The following HECTD4 variants were observed in gnomAD, a reference collection of about 807,000 sequenced individuals.
HECTD4 encodes the protein HECT domain E3 ubiquitin protein ligase 4, also known as probable E3 ubiquitin-protein ligase HECTD4.
In HECTD4, 114 loss-of-function variants were observed where a neutral mutation model predicts 471.5. The observed-to-expected ratio is 0.24, with a 90% CI of 0.21 to 0.28. The LOEUF (loss-of-function observed/expected upper bound fraction) is 0.28. Among genes scored for constraint, HECTD4 ranks in the 10% least tolerant of loss-of-function variants. The pLI, the probability that HECTD4 is intolerant of heterozygous loss-of-function variation, is 1.00. For missense variants in HECTD4, 3,866 were observed against 5,651.5 expected, an observed-to-expected ratio of 0.68 and a Z score of 10.13; for synonymous variants, 2,012 against 2,256.0, an observed-to-expected ratio of 0.89 and a Z score of 3.07.
chr12:112,371,500 A>C (rs1192220231), intron 1 of HECTD4, among the ~76,000 whole-genome samples: 1 of 151,922 alleles, frequency 6.6e-6, no homozygotes, highest in Non-Finnish European at 1.5e-5. Flanking sequence ...GCTTGAACCC[A>C]AGAGGCGGAG....
chr12:112,208,034 GA>G (rs752769426), intron 51 of HECTD4, 34 bp from the exon 52 acceptor site: 52 of 1,603,978 alleles, frequency 3.2e-5, no homozygotes, highest in Non-Finnish European at 4.4e-5. Context: ...AACAGAGAAG[GA>G]ATATCTGGTG....
chr12:112,307,788 G>A (rs576892917), intron 6 of HECTD4, among the ~76,000 whole-genome samples: 2 of 152,150 alleles, frequency 1.3e-5, no homozygotes, highest in Non-Finnish European at 2.9e-5. Flanking sequence ...CTCCACAGAC[G>A]CCAACTCTAA....
chr12:112,169,058 A>G lies in HECTD4; in HGVS notation c.12208+445T>C, dbSNP rs1010597701. Among the ~76,000 whole-genome samples the G allele has an allele frequency of 3.9e-5, 6 of 152,330 alleles. No homozygotes were observed. The South Asian group carries it at 1.2e-3, about 32-fold the overall frequency. On this transcript the variant is annotated intron_variant, in intron 70 of 75. Coordinates refer to ENST00000682272, the MANE Select transcript of HECTD4 (RefSeq NM_001388303.1). Reference sequence around the variant, plus strand: ...GCTTTCTTCTCCATCTGCAGTGGACACGTTTCCTGAATGTCTGGGGCTAAG... The same window carrying G: ...GCTTTCTTCTCCATCTGCAGTGGACGCGTTTCCTGAATGTCTGGGGCTAAG...
intron 15 of HECTD4, among the ~76,000 whole-genome samples, chr12:112,265,576 A>C (rs1444527015): frequency 1.3e-5 from 2 of 152,304 alleles, no homozygotes; most frequent in Admixed American, 6.5e-5. Flanking sequence ...AGCCTTTCTC[A>C]TAAACCAGCA....
intron 1 of HECTD4, among the ~76,000 whole-genome samples, chr12:112,367,758 T>C (rs1167427647): frequency 2.8e-5 from 4 of 140,574 alleles, no homozygotes; most frequent in Non-Finnish European, 1.5e-5. Flanking sequence ...GAGGCAGAGG[T>C]TGCAGTGAGC....
chr12:112,332,712 C>T (rs942036029), intron 1 of HECTD4, among the ~76,000 whole-genome samples: 8 of 151,694 alleles, frequency 5.3e-5, no homozygotes, highest in East Asian at 1.9e-4. Flanking sequence ...ACATAATTCA[C>T]GTACCATAAA....
chr12:112,364,388 C>A, intron 1 of HECTD4, among the ~76,000 whole-genome samples: 1 of 148,664 alleles, frequency 6.7e-6, no homozygotes, highest in African/African-American at 2.5e-5. Flanking sequence ...GCCTGGGTGA[C>A]AGAGCAAGAC....
At chr12:112,376,717 G>A (rs574052054) in intron 1 of HECTD4, among the ~76,000 whole-genome samples, 4 of 152,198 alleles carry the variant, frequency 2.6e-5, no homozygotes, top group South Asian at 4.2e-4. Context: ...TCTTGCTGTC[G>A]TCTCTGTATG....
At chr12:112,175,956 C>T in intron 65 of HECTD4, 97 bp from the exon 66 acceptor site, 3 of 1,449,490 alleles carry the variant, frequency 2.1e-6, no homozygotes, top group Non-Finnish European at 1.9e-6. Flanking sequence ...TCCCCTACGG[C>T]CCAACCCATC....
chr12:112,175,908 C>T (rs755032810), intron 65 of HECTD4, 49 bp from the exon 66 acceptor site: 43 of 1,603,282 alleles, frequency 2.7e-5, no homozygotes, highest in Admixed American at 3.4e-5. Flanking sequence ...CTGCGCACAT[C>T]GCGCGCCTCC....
intron 7 of HECTD4, among the ~76,000 whole-genome samples, chr12:112,299,943 T>G (rs555469687): frequency 6.6e-6 from 1 of 152,182 alleles, no homozygotes; most frequent in South Asian, 2.1e-4. Flanking sequence ...TCACAGTTGA[T>G]TGACACTTTG....
At chr12:112,200,821 CTGTT>C (rs764755088) in intron 54 of HECTD4, 23 bp from the exon 55 acceptor site, 36 of 1,600,690 alleles carry the variant, frequency 2.2e-5, no homozygotes, top group Admixed American at 8.4e-5. Flanking sequence ...AAGAAAATGT[CTGTT>C]TGTGCTGTTT....
chr12:112,361,005 AG>A (rs1255873870), intron 1 of HECTD4, among the ~76,000 whole-genome samples: 104 of 152,058 alleles, frequency 6.8e-4, no homozygotes, highest in Non-Finnish European at 1.1e-3. Flanking sequence ...AAAAAAGGTA[AG>A]ATCAAAACAG....
At position 112,246,943 on chromosome 12, in the gene HECTD4, C is replaced by G; in HGVS notation, c.4471G>C (p.Gly1491Arg). 2.5e-6 allele frequency: 4 copies of G among 1,612,110 alleles called. No homozygotes were observed. Among genetic ancestry groups the G allele is most frequent in the Non-Finnish European group, 3.4e-6 (4 of 1,179,824 alleles). ...GTCCCAGAGATGCTTCTCGTGAGGC[C>G]CGACTGGGCTGCGATGGTGACATGC... is the stretch of plus-strand genomic sequence containing the variant. ...LLHVTIAAQS[G>R]LTRSISGTPA... The change falls in exon 29 of 76, where the codon GGC becomes CGC. Residue 1491 changes from glycine (G) to arginine (R), a missense_variant. Gly to Arg is a moderately radical substitution (Grantham distance 125). Coordinates refer to ENST00000682272, the MANE Select transcript of HECTD4 (RefSeq NM_001388303.1).
At chr12:112,220,486 G>A (rs1391475460) in intron 44 of HECTD4, among the ~76,000 whole-genome samples, 2 of 152,040 alleles carry the variant, frequency 1.3e-5, no homozygotes, top group African/African-American at 4.8e-5. Flanking sequence ...AAGGCTTAAT[G>A]AAAACATCAT....
At chr12:112,290,342 A>G (rs1216526024) in intron 7 of HECTD4, among the ~76,000 whole-genome samples, 1 of 151,598 alleles carries the variant, frequency 6.6e-6, no homozygotes, top group Non-Finnish European at 1.5e-5. Context: ...CAATCAATCA[A>G]TCAATCATAG....
chr12:112,184,587 G>A lies in HECTD4; in HGVS notation c.10379C>T (p.Thr3460Ile), dbSNP rs1481555416. ...GCTGTCTGTGCCGGGGAAGGCCAGTGTCTTCTCGGGCTCAACTTTCCCGTC... is the reference window on the plus strand; with the variant it reads ...GCTGTCTGTGCCGGGGAAGGCCAGTATCTTCTCGGGCTCAACTTTCCCGTC... The part of the protein sequence containing the change: ...GGDGKVEPEK[T>I]LAFPGTDSME... Residue 3460 changes from threonine to isoleucine, a missense_variant, in exon 61 of 76, where the codon ACA becomes ATA. By Grantham distance (89) the Thr-to-Ile change is moderately conservative. Coordinates refer to ENST00000682272, the MANE Select transcript of HECTD4 (RefSeq NM_001388303.1). The surrounding 1 kb of genome is among the most constrained non-coding windows in gnomAD (Gnocchi z 9.1). 1.2e-6 allele frequency: 2 copies of A among 1,613,868 alleles called. No homozygotes were observed. The highest frequency in any genetic ancestry group is 1.7e-5 in the Admixed American group (1 of 60,024).
At chr12:112,262,460 G>A (rs1182994179) in intron 17 of HECTD4, among the ~76,000 whole-genome samples, 2 of 132,072 alleles carry the variant, frequency 1.5e-5, no homozygotes, top group Non-Finnish European at 3.1e-5. Context: ...AGGTTGCAGT[G>A]AGCCGAGATT....
intron 13 of HECTD4, among the ~76,000 whole-genome samples, 154 bp downstream of exon 13, chr12:112,269,549 CA>C (rs2034370142): frequency 6.6e-6 from 1 of 152,228 alleles, no homozygotes; most frequent in Non-Finnish European, 1.5e-5. Flanking sequence ...GGTGGGGCCA[CA>C]AACCCCTCTC....
Sources: gnomAD v4.1 joint callset for allele counts (sites outside exome capture counted in the v4.1 genomes callset) on GRCh38, gnomAD v4.1.1 for gene constraint, Gnocchi (gnomAD v3.1) non-coding constraint, MANE v1.5 for transcripts, NCBI Gene and HGNC (gene_info 2026-07-23, HGNC 2026-07-21) for gene names.